AUTS2: variants seen among roughly 807,000 people sequenced by gnomAD.
The protein encoded by AUTS2 is autism susceptibility gene 2 protein.
AUTS2 carries 17 observed loss-of-function variants against 112.4 expected under a neutral mutation model. The observed-to-expected ratio is 0.15, with a 90% CI of 0.10 to 0.23. The LOEUF (loss-of-function observed/expected upper bound fraction) is 0.23. Among genes scored for constraint, AUTS2 ranks in the 10% least tolerant of loss-of-function variants. AUTS2 has a pLI of 1.00. For missense variants in AUTS2, 1,510 were observed against 1,701.6 expected (o/e 0.89, Z 1.98); for synonymous variants, 751 against 702.7 (o/e 1.07, Z -1.09).
intron 4 of AUTS2, among the ~76,000 whole-genome samples, chr7:70,154,882 T>C (rs752006232): frequency 1.3e-5 from 2 of 152,220 alleles, no homozygotes; most frequent in Admixed American, 6.5e-5. Context: ...AAGGATATAA[T>C]TGATACTTGC....
At chr7:70,108,491 G>A (rs543782466) in intron 2 of AUTS2, among the ~76,000 whole-genome samples, 1 of 151,980 alleles carries the variant, frequency 6.6e-6, no homozygotes, top group South Asian at 2.1e-4. Flanking sequence ...ATTAAGACAT[G>A]GCTAATCTTA....
At chr7:69,721,664 T>C (rs1298339953) in intron 1 of AUTS2, among the ~76,000 whole-genome samples, 1 of 152,170 alleles carries the variant, frequency 6.6e-6, no homozygotes, top group African/African-American at 2.4e-5. Context: ...TTATAGTAAG[T>C]ATAACAGCCT....
At chr7:70,122,554 G>C (rs1805736215) in intron 3 of AUTS2, among the ~76,000 whole-genome samples, 1 of 152,024 alleles carries the variant, frequency 6.6e-6, no homozygotes, top group Non-Finnish European at 1.5e-5. Flanking sequence ...TTGGATGCCA[G>C]ACATTATAAA....
intron 2 of AUTS2, among the ~76,000 whole-genome samples, chr7:70,005,860 G>T (rs148874263): frequency 6.6e-6 from 1 of 152,100 alleles, no homozygotes; most frequent in African/African-American, 2.4e-5. Context: ...TTTGAAAATT[G>T]GTTTTATATG....
chr7:69,880,141 A>G (rs1793980223), intron 1 of AUTS2, among the ~76,000 whole-genome samples: 1 of 152,164 alleles, frequency 6.6e-6, no homozygotes, highest in African/African-American at 2.4e-5. Flanking sequence ...AAGCAGGCAC[A>G]TCTTACGTGG....
chr7:70,290,758 T>C, intron 4 of AUTS2: 1 of 753,628 alleles, frequency 1.3e-6, no homozygotes, highest in Non-Finnish European at 1.8e-6. Flanking sequence ...CTGTAACGTT[T>C]CTACTAATAA....
In AUTS2 at chr7:70,018,407, G is replaced by T. The variant is rs531300373; in HGVS notation, c.523-99725G>T. 5.3e-5 allele frequency among the ~76,000 whole-genome samples: 8 copies of T among 152,252 alleles called. No individual in the cohort carries two copies. In the South Asian group the frequency reaches 1.7e-3, roughly 32 times the overall value. ...TTATCAGGACTGAAGGGTATACCAGGATCTAACGATCAACTTCAACCACTC... is the reference window on the plus strand; with the variant it reads ...TTATCAGGACTGAAGGGTATACCAGTATCTAACGATCAACTTCAACCACTC... On this transcript the variant is annotated intron_variant, in intron 2 of 18. Coordinates refer to ENST00000342771, the MANE Select transcript of AUTS2 (RefSeq NM_015570.4).
At chr7:69,633,154 T>C (rs906471712) in intron 1 of AUTS2, among the ~76,000 whole-genome samples, 9 of 152,198 alleles carry the variant, frequency 5.9e-5, no homozygotes, top group African/African-American at 2.2e-4. Context: ...GAAAAAAATT[T>C]TTAAGATTCC....
chr7:70,709,619 G>A (rs779505396), intron 6 of AUTS2, among the ~76,000 whole-genome samples: 34 of 152,184 alleles, frequency 2.2e-4, no homozygotes, highest in Admixed American at 1.4e-3. Context: ...ACTGAGGCAC[G>A]AGAATGGCTT....
intron 2 of AUTS2, among the ~76,000 whole-genome samples, chr7:69,903,067 C>A (rs1176484184): frequency 2.6e-5 from 4 of 152,084 alleles, no homozygotes; most frequent in Non-Finnish European, 5.9e-5. Context: ...GATGTAAGCA[C>A]TTAGACATGA....
intron 1 of AUTS2, among the ~76,000 whole-genome samples, chr7:69,614,368 T>TTTCTTTCTTTTCTTTCTTTTCTTTCTTTC: frequency 4.0e-3 from 78 of 19,386 alleles, no homozygotes; most frequent in African/African-American, 6.3e-3. Context: ...TTCTTTCTTT[T>TTTCTTTCTTTTCTTTCTTTTCTTTCTTTC]TTTAAGAGAT....
At chr7:70,690,510 T>G (rs1348335266) in intron 5 of AUTS2, among the ~76,000 whole-genome samples, 1 of 152,168 alleles carries the variant, frequency 6.6e-6, no homozygotes, top group Non-Finnish European at 1.5e-5. Context: ...TCATTATATT[T>G]AGGAGGGGGA....
rs148747406 is a variant in AUTS2 at position 70,749,080 on chromosome 7, G to GT, written c.743-13785dup. Among the ~76,000 whole-genome samples the GT allele has an allele frequency of 1.7e-3, 255 of 152,226 alleles. 1 individual carries two copies. Among genetic ancestry groups the GT allele is most frequent in the African/African-American group, 6.0e-3 (251 of 41,536 alleles). On this transcript the variant is annotated intron_variant, in intron 6 of 18. Coordinates refer to ENST00000342771, the MANE Select transcript of AUTS2 (RefSeq NM_015570.4). ...TGTTGCTGGCTTTCGTGAATATGTT[G>GT]TTTTTGGGGGTAGCTCCTAATCTGG...
At chr7:70,550,576 A>G (rs1293834429) in intron 5 of AUTS2, among the ~76,000 whole-genome samples, 2 of 152,190 alleles carry the variant, frequency 1.3e-5, no homozygotes, top group East Asian at 1.9e-4. Context: ...ATAAGTATGT[A>G]ATAATAAAAT....
At chr7:70,540,812 A>G (rs1373341728) in intron 5 of AUTS2, among the ~76,000 whole-genome samples, 1 of 152,216 alleles carries the variant, frequency 6.6e-6, no homozygotes, top group African/African-American at 2.4e-5. Context: ...AGGTGACTTC[A>G]TTAGCATGAC....
intron 1 of AUTS2, among the ~76,000 whole-genome samples, chr7:69,800,531 C>T (rs1054538956): frequency 6.6e-6 from 1 of 152,174 alleles, no homozygotes; most frequent in South Asian, 2.1e-4. Context: ...GTGAAGTTAC[C>T]TCTGCCCACA....
intron 4 of AUTS2, chr7:70,290,299 C>A: frequency 2.2e-6 from 3 of 1,365,394 alleles, no homozygotes; most frequent in South Asian, 1.9e-5. Context: ...AAACATTTAG[C>A]ACAGTATTAT....
rs372328023 is a variant in AUTS2, at chr7:70,303,006, T to C, written c.661-132746T>C. On this transcript the variant is annotated intron_variant, in intron 4 of 18. Transcript: ENST00000342771. ...CCAAGGCATTGATGAAAAGTTTTCT[T>C]TGAGCTCCCTTGTGGCTGTGCAGAA... is the stretch of plus-strand genomic sequence containing the variant. Among the ~76,000 whole-genome samples, 53 of 152,170 alleles carry C rather than the reference T, an allele frequency of 3.5e-4. 2 individuals carry two copies. The South Asian group carries it at 0.011, about 32-fold the overall frequency.
At chr7:69,611,793 G>A (rs905224714) in intron 1 of AUTS2, among the ~76,000 whole-genome samples, 30 of 151,252 alleles carry the variant, frequency 2.0e-4, no homozygotes, top group Admixed American at 8.6e-4. Flanking sequence ...AGCCGGGCGC[G>A]GTGGCAGGCG....
Sources: gnomAD v4.1 joint callset for allele counts (sites outside exome capture counted in the v4.1 genomes callset) on GRCh38, gnomAD v4.1.1 for gene constraint, MANE v1.5 for transcripts, NCBI Gene and HGNC (gene_info 2026-07-23, HGNC 2026-07-21) for gene names.